The following GAN variants were observed in gnomAD, a reference collection of about 807,000 sequenced individuals.
GAN encodes the protein epididymis secretory sperm binding protein.
GAN carries 48 observed loss-of-function variants against 71.3 expected under a neutral mutation model. The ratio of observed to expected loss-of-function variants is 0.67; its 90% CI spans 0.53 to 0.86. GAN has a LOEUF of 0.86. Ranked by LOEUF, GAN falls within the 40% of genes least tolerant of loss-of-function variation. GAN has a pLI of 0.00. For synonymous variants in GAN, 386 were observed against 276.8 expected (o/e 1.39, Z -3.92); for missense variants, 928 against 770.1 (o/e 1.21, Z -2.43).
chr16:81,368,942 C>T (rs1046730423), intron 9 of GAN, among the ~76,000 whole-genome samples: 6 of 152,180 alleles, frequency 3.9e-5, no homozygotes, highest in African/African-American at 1.2e-4. Flanking sequence ...AGTTCTTAGC[C>T]ACCTACTCAG....
intron 9 of GAN, among the ~76,000 whole-genome samples, chr16:81,368,730 A>C (rs1910942383): frequency 6.6e-6 from 1 of 152,114 alleles, no homozygotes. Context: ...CCCCGCTGCT[A>C]CCCTCACAGT....
intron 1 of GAN, among the ~76,000 whole-genome samples, chr16:81,342,295 T>G (rs1794995111): frequency 6.6e-6 from 1 of 152,008 alleles, no homozygotes; most frequent in South Asian, 2.1e-4. Context: ...AATAGACATC[T>G]ACAGAACTCT....
At chr16:81,370,726 G>A (rs1484632456) in intron 9 of GAN, among the ~76,000 whole-genome samples, 1 of 152,270 alleles carries the variant, frequency 6.6e-6, no homozygotes, top group Non-Finnish European at 1.5e-5. Context: ...GGCCTTGCCA[G>A]TCTGCACCCT....
Position 81,315,065 on chromosome 16 carries a change from C to T in GAN, c.-49C>T. The T allele has an allele frequency of 2.8e-6, 4 of 1,411,218 alleles. No homozygotes were observed. The highest frequency in any genetic ancestry group is 3.7e-6 in the Non-Finnish European group (4 of 1,073,428). 87.4% of individuals were successfully genotyped at this position (1,411,218 alleles called of 1,614,324 possible). A position where few individuals can be genotyped will look rare whatever the true frequency, so the allele number is the denominator to read the frequency against. On this transcript the variant is annotated 5_prime_UTR_variant, in exon 1 of 11. Transcript: ENST00000648994. ...GACTCGGGCCGCTCGAGGGGTCCGG[C>T]CGGACGGTGTCGGGAGCCGGACCCG...
chr16:81,345,951 A>C (rs1337729060), intron 1 of GAN, among the ~76,000 whole-genome samples: 1 of 152,238 alleles, frequency 6.6e-6, no homozygotes, highest in Non-Finnish European at 1.5e-5. Context: ...CCCAGTTCAC[A>C]ATAGGGTTCG....
chr16:81,344,957 C>G (rs1278824495), intron 1 of GAN, among the ~76,000 whole-genome samples: 1 of 152,134 alleles, frequency 6.6e-6, no homozygotes, highest in Non-Finnish European at 1.5e-5. Flanking sequence ...TGAACAGTCA[C>G]TTCTCAAAAG....
chr16:81,365,676 C>T (rs570149197), intron 9 of GAN, among the ~76,000 whole-genome samples, 198 bp downstream of exon 9: 8 of 150,734 alleles, frequency 5.3e-5, no homozygotes, highest in African/African-American at 1.7e-4. Context: ...GAAAATATCT[C>T]TAATATGTAG....
intron 1 of GAN, among the ~76,000 whole-genome samples, chr16:81,342,953 C>G (rs777773630): frequency 1.3e-5 from 2 of 152,130 alleles, no homozygotes; most frequent in South Asian, 4.1e-4. Context: ...GATATCACCA[C>G]CGATCCCAAA....
At chr16:81,370,055 G>C (rs2150694715) in intron 9 of GAN, among the ~76,000 whole-genome samples, 1 of 152,286 alleles carries the variant, frequency 6.6e-6, no homozygotes, top group South Asian at 2.1e-4. Flanking sequence ...ATACCAATTT[G>C]CAAGGGTCAC....
intron 1 of GAN, among the ~76,000 whole-genome samples, chr16:81,323,639 G>C (rs1393935598): frequency 6.6e-6 from 1 of 152,084 alleles, no homozygotes; most frequent in Non-Finnish European, 1.5e-5. Context: ...ATATAATTAG[G>C]GTGTTGTTTA....
At chr16:81,364,924 A>G (rs976804459) in intron 7 of GAN, 50 bp from the exon 8 acceptor site, 4 of 1,587,718 alleles carry the variant, frequency 2.5e-6, no homozygotes, top group Non-Finnish European at 3.5e-6. Context: ...TGTTCACCTG[A>G]CCTGAATGAG....
In GAN at chr16:81,388,101, C is replaced by T. The variant is rs981505982; in HGVS notation, c.*10505C>T. On this transcript the variant is annotated 3_prime_UTR_variant, in exon 11 of 11. Coordinates refer to ENST00000648994, the MANE Select transcript of GAN (RefSeq NM_022041.4). Reference sequence around the variant, plus strand: ...CTTTCTCTGCCAGCTTAGGGATTGCCGTCAAGGTGGAGGAAGGGTATTTTG... The same window carrying T: ...CTTTCTCTGCCAGCTTAGGGATTGCTGTCAAGGTGGAGGAAGGGTATTTTG... 5 of 152,218 alleles carry T rather than the reference C, an allele frequency of 3.3e-5. No homozygotes were observed. Among genetic ancestry groups the T allele is most frequent in the Admixed American group, 6.5e-5 (1 of 15,276 alleles). The allele number at this position is 152,218 out of a possible 1,614,324, so 9.4% of individuals were successfully genotyped here. A position where few individuals can be genotyped will look rare whatever the true frequency, so the allele number is the denominator to read the frequency against.
intron 8 of GAN, 79 bp downstream of exon 8, chr16:81,365,189 G>C: frequency 6.3e-7 from 1 of 1,578,440 alleles, no homozygotes; most frequent in Non-Finnish European, 8.7e-7. Context: ...CCTGGCTTTT[G>C]TTCTTTTCTT....
intron 1 of GAN, among the ~76,000 whole-genome samples, chr16:81,325,862 A>G (rs16955031): frequency 0.025 from 3,846 of 152,346 alleles, 84 homozygotes; most frequent in East Asian, 0.082. Context: ...ATATTCTTCT[A>G]GCCCTTGACA....
At chr16:81,335,625 C>A (rs538175436) in intron 1 of GAN, among the ~76,000 whole-genome samples, 1 of 150,956 alleles carries the variant, frequency 6.6e-6, no homozygotes, top group African/African-American at 2.4e-5. Flanking sequence ...CGCACACTTG[C>A]AATCCCAGCT....
chr16:81,381,148 A>T lies in GAN; in HGVS notation c.*3552A>T, dbSNP rs184098608. The T allele has an allele frequency of 6.6e-6, 1 of 152,186 alleles. No individual in the cohort carries two copies. Among genetic ancestry groups the T allele is most frequent in the Non-Finnish European group, 1.5e-5 (1 of 68,046 alleles). 9.4% of individuals were successfully genotyped at this position (152,186 alleles called of 1,614,324 possible). A position where few individuals can be genotyped will look rare whatever the true frequency, so the allele number is the denominator to read the frequency against. On this transcript the variant is annotated 3_prime_UTR_variant, in exon 11 of 11. Transcript: ENST00000648994. ...TGGTAAAGAGAGGACTGGCTTTGCT[A>T]TGGCACCTAAGTTACTCATGGGTAG...
At chr16:81,374,300 C>T (rs1357140023) in intron 9 of GAN, among the ~76,000 whole-genome samples, 4 of 152,162 alleles carry the variant, frequency 2.6e-5, no homozygotes, top group African/African-American at 7.2e-5. Flanking sequence ...TAGATTTCTC[C>T]ACTGGAAAGT....
At chr16:81,335,940 C>T (rs565748139) in intron 1 of GAN, among the ~76,000 whole-genome samples, 1 of 152,124 alleles carries the variant, frequency 6.6e-6, no homozygotes, top group Non-Finnish European at 1.5e-5. Context: ...GGTGGGTGCC[C>T]CATGCGGGTT....
rs78809333 is a variant in GAN at position 81,325,939 on chromosome 16, G to A, written c.167+10659G>A. On this transcript the variant is annotated intron_variant, in intron 1 of 10. Coordinates refer to ENST00000648994, the MANE Select transcript of GAN (RefSeq NM_022041.4). ...TTCTGCATGTGTTTCTTGTCTCTCT[G>A]CCTTTCTTGACTTCCTACTCTTGCT... Among the ~76,000 whole-genome samples, 676 of 152,220 alleles carry A rather than the reference G, an allele frequency of 4.4e-3. 8 individuals are homozygous for A. The highest frequency in any genetic ancestry group is 0.015 in the African/African-American group (640 of 41,532).
Sources: gnomAD v4.1 joint callset for allele counts (sites outside exome capture counted in the v4.1 genomes callset) on GRCh38, gnomAD v4.1.1 for gene constraint, MANE v1.5 for transcripts, NCBI Gene and HGNC (gene_info 2026-07-23, HGNC 2026-07-21) for gene names.